Variants in TRMT11 observed in about 807,000 individuals in gnomAD.
TRMT11 encodes the protein tRNA (guanine(10)-N(2))-methyltransferase TRMT11.
A neutral mutation model predicts 62.8 loss-of-function variants in TRMT11; 53 were observed. The observed-to-expected ratio is 0.84, with a 90% CI of 0.68 to 1.06. The LOEUF (loss-of-function observed/expected upper bound fraction) is 1.06. TRMT11 is among the 50% of genes least tolerant of loss of function. The pLI is 0.00. For synonymous variants in TRMT11, 188 were observed against 190.3 expected (o/e 0.99, Z 0.10); for missense variants, 556 against 553.4 (o/e 1.00, Z -0.05).
intron 17 of TRMT11, among the ~76,000 whole-genome samples, chr6:126,100,313 G>A (rs1291220656): frequency 6.6e-6 from 1 of 152,144 alleles, no homozygotes; most frequent in Non-Finnish European, 1.5e-5. Flanking sequence ...GATTTGCTGT[G>A]TCGTGTCTAG....
chr6:126,119,339 A>G (rs926656247), intron 21 of TRMT11, among the ~76,000 whole-genome samples: 2 of 152,200 alleles, frequency 1.3e-5, no homozygotes, highest in African/African-American at 4.8e-5. Context: ...GTTGAGCTCT[A>G]CATTTCATAG....
the TRMT11 span, among the ~76,000 whole-genome samples, chr6:126,251,046 T>C: frequency 9.9e-5 from 15 of 151,260 alleles, no homozygotes; most frequent in South Asian, 4.2e-4. Flanking sequence ...TTTTTTTTTT[T>C]CCAAGACGGA....
chr6:125,994,013 TTTTA>T (rs1791046543), intron 2 of TRMT11, among the ~76,000 whole-genome samples, 191 bp downstream of exon 2: 1 of 152,226 alleles, frequency 6.6e-6, no homozygotes, highest in African/African-American at 2.4e-5. Flanking sequence ...ATTTCTAGTA[TTTTA>T]TTTGTTTTAC....
the TRMT11 span, among the ~76,000 whole-genome samples, chr6:126,259,225 C>T: frequency 1.3e-5 from 2 of 152,190 alleles, no homozygotes; most frequent in African/African-American, 4.8e-5. Context: ...GAGATGGAGT[C>T]TTACTTTATC....
chr6:126,155,887 A>AT lies in TRMT11; in HGVS notation c.*1824-18927dup, dbSNP rs914069160. Reference sequence around the variant, plus strand: ...ACGTGCCCGCCACCATGCCCGGGTAATTTTTTTTTTTAATATTTTTAGTAG... The same window carrying AT: ...ACGTGCCCGCCACCATGCCCGGGTAATTTTTTTTTTTTAATATTTTTAGTAG... On this transcript the variant is annotated intron_variant and NMD_transcript_variant, in intron 21 of 22. Coordinates refer to the TRMT11 transcript ENST00000648977. Among the ~76,000 whole-genome samples the AT allele has an allele frequency of 8.3e-3, 1,232 of 148,126 alleles. 13 individuals carry two copies. Among genetic ancestry groups the AT allele is most frequent in the African/African-American group, 0.025 (1,023 of 40,568 alleles).
rs1463520232 is a variant in TRMT11, at chr6:126,053,345, C to T, written c.*1437+155C>T. Among the ~76,000 whole-genome samples, 7 of 152,152 alleles carry T rather than the reference C, an allele frequency of 4.6e-5. No homozygotes were observed. In the East Asian group the frequency reaches 9.6e-4, roughly 21 times the overall value. ...TGGGGCTTTGCTGACCCTGGAGAGA[C>T]CAGAACCAGCCAATTCCTAGAGATA... On this transcript the variant is annotated intron_variant and NMD_transcript_variant, in intron 17 of 22. Transcript: ENST00000648977.
intron 2 of TRMT11, 21 bp downstream of exon 2, chr6:125,993,843 A>C: frequency 1.3e-6 from 2 of 1,517,974 alleles, no homozygotes; most frequent in South Asian, 1.1e-5. Flanking sequence ...TTTTCATTAG[A>C]CCATATGGAG....
chr6:126,021,573 A>G (rs1400306562), intron 12 of TRMT11, among the ~76,000 whole-genome samples: 2 of 152,196 alleles, frequency 1.3e-5, no homozygotes, highest in African/African-American at 2.4e-5. Flanking sequence ...CAGCATTATT[A>G]AACAACTGCT....
chr6:126,226,134 G>A, the TRMT11 span, among the ~76,000 whole-genome samples: 1 of 152,110 alleles, frequency 6.6e-6, no homozygotes, highest in Non-Finnish European at 1.5e-5. Context: ...CCCAAAACTA[G>A]CATTTATGTT....
chr6:126,113,562 A>G (rs926882904), intron 18 of TRMT11, among the ~76,000 whole-genome samples: 1 of 152,100 alleles, frequency 6.6e-6, no homozygotes, highest in Non-Finnish European at 1.5e-5. Flanking sequence ...CATCTACTCA[A>G]TGAATCAATT....
chr6:126,021,761 C>T (rs1467101638), intron 12 of TRMT11, among the ~76,000 whole-genome samples: 1 of 152,216 alleles, frequency 6.6e-6, no homozygotes, highest in African/African-American at 2.4e-5. Flanking sequence ...AATTCTTACT[C>T]TCTTACATTC....
intron 21 of TRMT11, among the ~76,000 whole-genome samples, chr6:126,152,941 G>C (rs1411291403): frequency 6.6e-6 from 1 of 152,150 alleles, no homozygotes; most frequent in Non-Finnish European, 1.5e-5. Context: ...CAGAGACCCG[G>C]AGTCTAAACC....
chr6:126,038,352 T>C (rs1242610554), intron 12 of TRMT11, among the ~76,000 whole-genome samples: 13 of 150,708 alleles, frequency 8.6e-5, no homozygotes, highest in Admixed American at 8.0e-4. Flanking sequence ...TAGGCACAGA[T>C]GACTTCAGTG....
intron 21 of TRMT11, among the ~76,000 whole-genome samples, chr6:126,116,839 G>A (rs1777592904): frequency 6.6e-6 from 1 of 152,082 alleles, no homozygotes; most frequent in Non-Finnish European, 1.5e-5. Flanking sequence ...GGATGTTCAT[G>A]AGGGAGATTT....
rs1342983510 is a variant in TRMT11 at position 125,986,570 on chromosome 6, T to G, written c.20T>G (p.Leu7Arg). The change falls in exon 1 of 13, where the codon CTT becomes CGT. Residue 7 changes from leucine to arginine, a missense_variant. Transcript: ENST00000334379. MALSCT[L>R]NRYLLLMAQE... The stretch of plus-strand genomic sequence containing the variant: ...GCTGCAATGGCGCTGTCGTGTACCC[T>G]TAACAGGTATCTGCTCCTCATGGCG... 6.9e-6 allele frequency: 11 copies of G among 1,592,042 alleles called. No homozygotes were observed. The highest frequency in any genetic ancestry group is 9.4e-6 in the Non-Finnish European group (11 of 1,171,526).
downstream of TRMT11, among the ~76,000 whole-genome samples, chr6:126,040,549 A>G (rs550060922): frequency 3.8e-4 from 58 of 152,218 alleles, no homozygotes; most frequent in African/African-American, 1.4e-3. Flanking sequence ...CTTTCGGCGT[A>G]AGTTACAGCA....
the TRMT11 span, among the ~76,000 whole-genome samples, chr6:126,263,551 G>GTCTTT: frequency 6.6e-6 from 1 of 152,130 alleles, no homozygotes; most frequent in African/African-American, 2.4e-5. Flanking sequence ...GCTAATGAGA[G>GTCTTT]GTAATAAACA....
upstream of TRMT11, among the ~76,000 whole-genome samples, chr6:126,176,012 AG>A (rs1223276397): frequency 6.6e-6 from 1 of 152,214 alleles, no homozygotes; most frequent in Non-Finnish European, 1.5e-5. Context: ...CATTTAAAAA[AG>A]TTTTCAGTTT....
At chr6:126,095,104 C>G (rs1352010224) in intron 17 of TRMT11, among the ~76,000 whole-genome samples, 1 of 152,116 alleles carries the variant, frequency 6.6e-6, no homozygotes, top group African/African-American at 2.4e-5. Flanking sequence ...CTGGCGCTGA[C>G]CTTGTAATAG....
Sources: allele counts gnomAD v4.1 joint callset (sites outside exome capture counted in the v4.1 genomes callset), GRCh38; gene constraint gnomAD v4.1.1; transcripts MANE v1.5; gene names NCBI Gene and HGNC (gene_info 2026-07-23, HGNC 2026-07-21).